The following PTPRD variants were observed in gnomAD, a reference collection of about 807,000 sequenced individuals.
The protein encoded by PTPRD is protein tyrosine phosphatase receptor type D, also known as receptor-type tyrosine-protein phosphatase delta.
A neutral mutation model predicts 214.5 loss-of-function variants in PTPRD; 34 were observed. That is an observed-to-expected ratio of 0.16 (90% CI 0.12 to 0.21). The LOEUF (loss-of-function observed/expected upper bound fraction) is 0.21. Among genes scored for constraint, PTPRD ranks in the 10% least tolerant of loss-of-function variants. The probability of loss-of-function intolerance (pLI) is 1.00; values close to 1 mark genes in which losing one functional copy is unlikely to be tolerated. For synonymous variants in PTPRD, 1,128 were observed against 845.7 expected (o/e 1.33, Z -5.79); for missense variants, 2,545 against 2,398.7 (o/e 1.06, Z -1.27).
At chr9:9,211,535 A>T (rs1384362532) in intron 9 of PTPRD, among the ~76,000 whole-genome samples, 1 of 116,058 alleles carries the variant, frequency 8.6e-6, no homozygotes, top group Non-Finnish European at 2.2e-5. Flanking sequence ...ACACACACAC[A>T]CACACACACA....
intron 6 of PTPRD, among the ~76,000 whole-genome samples, chr9:9,739,833 ATG>A (rs1487090804): frequency 6.6e-6 from 1 of 151,138 alleles, no homozygotes; most frequent in Admixed American, 6.7e-5. Flanking sequence ...ATATATATAT[ATG>A]TGTGTAAATT....
intron 7 of PTPRD, among the ~76,000 whole-genome samples, chr9:9,610,562 G>T (rs1442023411): frequency 6.6e-6 from 1 of 152,040 alleles, no homozygotes; most frequent in East Asian, 1.9e-4. Context: ...ATGCTACCTT[G>T]GAATAGATGG....
chr9:10,085,399 T>C (rs2098318125), intron 3 of PTPRD, among the ~76,000 whole-genome samples: 2 of 151,840 alleles, frequency 1.3e-5, no homozygotes. Context: ...CTGGAGATAT[T>C]TTTAAGCAAT....
intron 8 of PTPRD, among the ~76,000 whole-genome samples, chr9:9,425,491 A>C (rs2080502697): frequency 6.7e-6 from 1 of 148,622 alleles, no homozygotes; most frequent in Non-Finnish European, 1.5e-5. Flanking sequence ...TTGGTGCAAA[A>C]GTAATTGTGG....
At chr9:10,093,659 A>T (rs1444486458) in intron 3 of PTPRD, among the ~76,000 whole-genome samples, 1 of 151,570 alleles carries the variant, frequency 6.6e-6, no homozygotes, top group Non-Finnish European at 1.5e-5. Context: ...TCATTACAAC[A>T]CCATTTACAA....
chr9:8,485,674 G>T (rs1000473283), intron 28 of PTPRD, 88 bp downstream of exon 28: 1 of 1,157,700 alleles, frequency 8.6e-7, no homozygotes, highest in South Asian at 1.6e-5. Flanking sequence ...ATATGAATGG[G>T]CTGATCAGTT....
At chr9:8,615,958 A>G (rs1292509733) in intron 14 of PTPRD, among the ~76,000 whole-genome samples, 3 of 152,286 alleles carry the variant, frequency 2.0e-5, no homozygotes, top group East Asian at 3.9e-4. Context: ...CATGGGGAAA[A>G]TAATCTTGAT....
chr9:9,633,707 T>C (rs555058894), intron 7 of PTPRD, among the ~76,000 whole-genome samples: 2 of 152,290 alleles, frequency 1.3e-5, no homozygotes, highest in East Asian at 1.9e-4. Flanking sequence ...TTTATAGTTA[T>C]AGGGTAAGGC....
rs2096447650 is a variant in PTPRD, at chr9:8,636,746, T to G, written c.163A>C (p.Ile55Leu). Residue 55 changes from isoleucine (I) to leucine (L), a missense_variant, in exon 13 of 46, where the codon ATT (isoleucine) becomes CTT (leucine). Physicochemically the swap from Ile to Leu is conservative, Grantham distance 5. Coordinates refer to ENST00000381196, the MANE Select transcript of PTPRD (RefSeq NM_002839.4). ...CQATGDPRPKIVWNKKGKKVS... is the reference protein window; with the variant it reads ...CQATGDPRPKLVWNKKGKKVS... Reference sequence around the variant, plus strand: ...TTCTTTCCTTTTTTGTTCCAGACAATTTTAGGTCTTGGGTCTCCCGTAGCT... The same window carrying G: ...TTCTTTCCTTTTTTGTTCCAGACAAGTTTAGGTCTTGGGTCTCCCGTAGCT... The G allele has an allele frequency of 1.2e-6, 2 of 1,613,916 alleles. No individual in the cohort carries two copies. Among genetic ancestry groups the G allele is most frequent in the African/African-American group, 2.7e-5 (2 of 74,912 alleles).
chr9:9,067,198 C>G (rs2099736050), intron 10 of PTPRD, among the ~76,000 whole-genome samples: 1 of 152,204 alleles, frequency 6.6e-6, no homozygotes, highest in African/African-American at 2.4e-5. Flanking sequence ...CCATTGCACT[C>G]CAGCCTGGGC....
chr9:9,015,884 G>T (rs1439652792), intron 11 of PTPRD, among the ~76,000 whole-genome samples: 1 of 152,020 alleles, frequency 6.6e-6, no homozygotes, highest in Admixed American at 6.6e-5. Context: ...AGAAAATCAG[G>T]GGCACAAACT....
At chr9:9,404,878 GGGAT>G (rs1396482433) in intron 8 of PTPRD, among the ~76,000 whole-genome samples, 2 of 152,172 alleles carry the variant, frequency 1.3e-5, no homozygotes, top group African/African-American at 4.8e-5. Context: ...TGTGCTAGAT[GGGAT>G]GGTTTAATTC....
chr9:9,119,997 T>C (rs2154462894), intron 10 of PTPRD, among the ~76,000 whole-genome samples: 1 of 152,350 alleles, frequency 6.6e-6, no homozygotes, highest in East Asian at 1.9e-4. Context: ...AAGAAATTTG[T>C]GTTTGGGACA....
chr9:10,210,465 G>A (rs1467702439), intron 3 of PTPRD, among the ~76,000 whole-genome samples: 2 of 151,882 alleles, frequency 1.3e-5, no homozygotes, highest in African/African-American at 4.8e-5. Flanking sequence ...TGACCACTTA[G>A]AAGACAACAC....
chr9:9,860,743 T>C (rs1247877552), intron 5 of PTPRD, among the ~76,000 whole-genome samples: 3 of 152,194 alleles, frequency 2.0e-5, no homozygotes, highest in Non-Finnish European at 2.9e-5. Flanking sequence ...CACTAAACAA[T>C]TGTAGTTCAT....
chr9:8,782,807 G>GC (rs578033268), intron 11 of PTPRD, among the ~76,000 whole-genome samples: 10 of 151,934 alleles, frequency 6.6e-5, no homozygotes, highest in South Asian at 4.2e-4. Context: ...TGTTGGTCAG[G>GC]CTGGTCTCGA....
chr9:8,383,570 C>T (rs2085889336), intron 37 of PTPRD, among the ~76,000 whole-genome samples: 1 of 152,076 alleles, frequency 6.6e-6, no homozygotes, highest in African/African-American at 2.4e-5. Context: ...TTGTATGATT[C>T]CCTATTTGGA....
At chr9:9,609,047 TA>T (rs1423033274) in intron 7 of PTPRD, among the ~76,000 whole-genome samples, 1 of 152,180 alleles carries the variant, frequency 6.6e-6, no homozygotes, top group African/African-American at 2.4e-5. Context: ...GAATTTTCTT[TA>T]AAAAATGAAA....
chr9:8,845,459 A>G (rs2097672158), intron 11 of PTPRD, among the ~76,000 whole-genome samples: 1 of 152,244 alleles, frequency 6.6e-6, no homozygotes. Context: ...GCCCTGTGAA[A>G]TCAGTGAGGC....
Sources: allele counts gnomAD v4.1 joint callset (sites outside exome capture counted in the v4.1 genomes callset), GRCh38; gene constraint gnomAD v4.1.1; transcripts MANE v1.5; gene names NCBI Gene and HGNC (gene_info 2026-07-23, HGNC 2026-07-21).